The following RALA variants were observed in gnomAD, a reference collection of about 807,000 sequenced individuals.
The protein encoded by RALA is ras-related protein Ral-A.
RALA carries 5 observed loss-of-function variants against 24.0 expected under a neutral mutation model. That is an observed-to-expected ratio of 0.21 (90% CI 0.11 to 0.44). The LOEUF (loss-of-function observed/expected upper bound fraction) is 0.44. Among genes scored for constraint, RALA ranks in the 20% least tolerant of loss-of-function variants. The pLI, the probability that RALA is intolerant of heterozygous loss-of-function variation, is 0.99. For synonymous variants in RALA, 77 were observed against 83.8 expected (o/e 0.92, Z 0.44); for missense variants, 95 against 241.2 (o/e 0.39, Z 4.01).
At chr7:39,697,969 G>GTGTGTGTA (rs1554298442) in intron 4 of RALA, among the ~76,000 whole-genome samples, 1 of 138,386 alleles carries the variant, frequency 7.2e-6, no homozygotes, top group Non-Finnish European at 1.6e-5. Context: ...GTGTGTGTGT[G>GTGTGTGTA]TGTGTATGTG....
intron 3 of RALA, 74 bp from the exon 4 acceptor site, chr7:39,696,611 G>A (rs756569368): frequency 2.7e-5 from 33 of 1,215,154 alleles, no homozygotes; most frequent in Non-Finnish European, 3.5e-5. Flanking sequence ...GGGAAAAATA[G>A]GTATGGGGCA....
At chr7:39,644,747 A>G (rs932499358) in intron 1 of RALA, among the ~76,000 whole-genome samples, 4 of 152,152 alleles carry the variant, frequency 2.6e-5, no homozygotes, top group African/African-American at 9.7e-5. Context: ...AATATTGACA[A>G]TTTGTTCTTC....
At chr7:39,658,474 G>GTATA (rs368096429) in intron 1 of RALA, among the ~76,000 whole-genome samples, 5 of 150,968 alleles carry the variant, frequency 3.3e-5, no homozygotes, top group Non-Finnish European at 5.9e-5. Context: ...GTTTTTGTAT[G>GTATA]TATATATATA....
chr7:39,681,432 C>G (rs956930270), intron 1 of RALA, among the ~76,000 whole-genome samples: 1 of 147,836 alleles, frequency 6.8e-6, no homozygotes, highest in Non-Finnish European at 1.5e-5. Flanking sequence ...GATTCTCATG[C>G]CTCAGCCCTG....
chr7:39,703,536 T>A (rs1360111229), intron 4 of RALA, among the ~76,000 whole-genome samples: 1 of 152,238 alleles, frequency 6.6e-6, no homozygotes, highest in Non-Finnish European at 1.5e-5. Flanking sequence ...TTGCTGCAGA[T>A]CAGGAATCAG....
At chr7:39,661,650 G>A (rs1792193129) in intron 1 of RALA, among the ~76,000 whole-genome samples, 1 of 152,220 alleles carries the variant, frequency 6.6e-6, no homozygotes, top group Non-Finnish European at 1.5e-5. Context: ...GGGCAGCTCT[G>A]CTTCTGTGGC....
chr7:39,655,753 T>TA (rs1437975778), intron 1 of RALA, among the ~76,000 whole-genome samples: 2 of 152,202 alleles, frequency 1.3e-5, no homozygotes, highest in African/African-American at 4.8e-5. Context: ...CTGTTAACCT[T>TA]ACTTGGTATC....
At chr7:39,678,062 A>C in intron 1 of RALA, among the ~76,000 whole-genome samples, 1 of 103,580 alleles carries the variant, frequency 9.7e-6, no homozygotes, top group Admixed American at 1.2e-4. Context: ...GGGAGGGGGG[A>C]GGGATAGCAT....
intron 1 of RALA, among the ~76,000 whole-genome samples, chr7:39,638,844 T>G (rs185650948): frequency 3.9e-5 from 6 of 152,246 alleles, no homozygotes; most frequent in Non-Finnish European, 8.8e-5. Context: ...GTACAAGTCT[T>G]TGTGTGGACA....
intron 1 of RALA, among the ~76,000 whole-genome samples, chr7:39,660,135 G>A (rs1397863395): frequency 1.3e-5 from 2 of 152,092 alleles, no homozygotes; most frequent in African/African-American, 4.8e-5. Context: ...CACAAGGTCA[G>A]GAGTTCAAGA....
At chr7:39,695,458 C>T (rs1023202926) in intron 3 of RALA, among the ~76,000 whole-genome samples, 1 of 151,504 alleles carries the variant, frequency 6.6e-6, no homozygotes, top group African/African-American at 2.4e-5. Context: ...GTCATCCAGG[C>T]TAGAGTACAG....
intron 1 of RALA, among the ~76,000 whole-genome samples, chr7:39,679,066 C>T (rs1792539901): frequency 1.7e-5 from 2 of 120,346 alleles, no homozygotes. Flanking sequence ...ATATGTTGTT[C>T]TGTATCTTTT....
intron 1 of RALA, among the ~76,000 whole-genome samples, chr7:39,671,263 C>T (rs1011042977): frequency 1.3e-5 from 2 of 152,038 alleles, no homozygotes; most frequent in African/African-American, 4.8e-5. Flanking sequence ...CTGTCTTTGG[C>T]CCTTTTACTT....
intron 4 of RALA, among the ~76,000 whole-genome samples, chr7:39,697,973 G>GTGTGTATA (rs761189863): frequency 7.9e-6 from 1 of 125,932 alleles, no homozygotes; most frequent in Non-Finnish European, 1.8e-5. Flanking sequence ...GTGTGTGTGT[G>GTGTGTATA]TATGTGTGTG....
At chr7:39,635,059 G>A in intron 1 of RALA, among the ~76,000 whole-genome samples, 1 of 152,044 alleles carries the variant, frequency 6.6e-6, no homozygotes, top group East Asian at 1.9e-4. Context: ...CCTTTTAAAT[G>A]TGCAGTTTTG....
At chr7:39,669,907 T>G (rs1315922675) in intron 1 of RALA, among the ~76,000 whole-genome samples, 1 of 152,076 alleles carries the variant, frequency 6.6e-6, no homozygotes, top group Non-Finnish European at 1.5e-5. Flanking sequence ...GCCCTACTCA[T>G]TTTTAAACTG....
At chr7:39,679,687 T>C (rs1348918852) in intron 1 of RALA, among the ~76,000 whole-genome samples, 2 of 152,132 alleles carry the variant, frequency 1.3e-5, no homozygotes, top group Non-Finnish European at 2.9e-5. Flanking sequence ...GTTTTATCTT[T>C]TTACTTTGCT....
chr7:39,645,259 T>G (rs760116516), intron 1 of RALA, among the ~76,000 whole-genome samples: 4 of 152,204 alleles, frequency 2.6e-5, no homozygotes, highest in Non-Finnish European at 5.9e-5. Flanking sequence ...TGTAGCTTAC[T>G]TTTGTTATAT....
At chr7:39,657,142 T>A (rs1384806008) in intron 1 of RALA, among the ~76,000 whole-genome samples, 1 of 152,110 alleles carries the variant, frequency 6.6e-6, no homozygotes, top group Admixed American at 6.5e-5. Flanking sequence ...AGTTTTTGTA[T>A]TTTTGTAGTG....
Sources: allele counts gnomAD v4.1 joint callset (sites outside exome capture counted in the v4.1 genomes callset), GRCh38; gene constraint gnomAD v4.1.1; transcripts MANE v1.5; gene names NCBI Gene and HGNC (gene_info 2026-07-23, HGNC 2026-07-21).